Variants in KLHL28 observed in about 807,000 individuals in gnomAD.
The protein encoded by KLHL28 is kelch like family member 28, also known as kelch-like protein 28.
KLHL28 carries 22 observed loss-of-function variants against 48.3 expected under a neutral mutation model. That is an observed-to-expected ratio of 0.46 (90% CI 0.33 to 0.65). The LOEUF (loss-of-function observed/expected upper bound fraction) is 0.65, where lower values mean the gene tolerates loss of function less well. Ranked by LOEUF, KLHL28 falls within the 30% of genes least tolerant of loss-of-function variation. The pLI, the probability that KLHL28 is intolerant of heterozygous loss-of-function variation, is 0.03. For synonymous variants in KLHL28, 243 were observed against 242.4 expected (o/e 1.00, Z -0.02); for missense variants, 527 against 704.3 (o/e 0.75, Z 2.85).
At chr14:44,935,905 T>TATATATATATATATATATATA (rs1233257500) in intron 2 of KLHL28, among the ~76,000 whole-genome samples, 33 of 123,638 alleles carry the variant, frequency 2.7e-4, no homozygotes, top group East Asian at 9.1e-4. Flanking sequence ...TATATATATC[T>TATATATATATATATATATATA]TTACCCTCCC....
intron 2 of KLHL28, among the ~76,000 whole-genome samples, chr14:44,939,005 T>C (rs930159336): frequency 9.9e-5 from 15 of 152,172 alleles, no homozygotes; most frequent in African/African-American, 3.4e-4. Context: ...GCAACACTCT[T>C]ACAGTAGGAG....
chr14:44,961,585 G>GA (rs1384808504), intron 1 of KLHL28: 2 of 151,968 alleles, frequency 1.3e-5, no homozygotes, highest in South Asian at 2.1e-4. Flanking sequence ...ACCAGGAATT[G>GA]AAAAAAAATA....
intron 1 of KLHL28, among the ~76,000 whole-genome samples, chr14:44,959,050 A>G (rs1034163759): frequency 6.6e-6 from 1 of 151,938 alleles, no homozygotes; most frequent in Non-Finnish European, 1.5e-5. Flanking sequence ...TAAAATATAT[A>G]TAATCTTCAA....
intron 2 of KLHL28, among the ~76,000 whole-genome samples, chr14:44,935,900 A>ATATATATATATATATC (rs1180902349): frequency 7.7e-6 from 1 of 129,044 alleles, no homozygotes; most frequent in African/African-American, 2.7e-5. Flanking sequence ...GTATATATAT[A>ATATATATATATATATC]TATCTTTACC....
Position 44,928,975 on chromosome 14 carries a change from T to A in KLHL28, c.*53A>T, listed in dbSNP as rs200711290. ...GTTTCAGAAAACTGGGCCATCCGGA[T>A]GTTCATGCAGTACAAGTTTCACCAC... is the stretch of plus-strand genomic sequence containing the variant. On this transcript the variant is annotated 3_prime_UTR_variant, in exon 5 of 5. Coordinates refer to ENST00000396128, the MANE Select transcript of KLHL28 (RefSeq NM_017658.5). The A allele has an allele frequency of 1.4e-4, 210 of 1,546,990 alleles. 1 individual carries two copies. The East Asian group carries it at 3.2e-3, about 24-fold the overall frequency.
chr14:44,946,022 T>C (rs1272947668), intron 1 of KLHL28, 94 bp from the exon 2 acceptor site: 12 of 1,002,824 alleles, frequency 1.2e-5, no homozygotes, highest in East Asian at 7.6e-5. Context: ...AGATTTGTAA[T>C]TTATTTGTCT....
rs375544551 is a variant in KLHL28, at chr14:44,945,676, C to A, written c.253G>T (p.Ala85Ser). 1.2e-6 allele frequency: 2 copies of A among 1,614,170 alleles called. No individual in the cohort carries two copies. The highest frequency in any genetic ancestry group is 2.7e-5 in the African/African-American group (2 of 75,042). Reference protein sequence around the residue: ...EVEFQCIDETALQAIVEYAYT... With the variant: ...EVEFQCIDETSLQAIVEYAYT... Reference sequence around the variant, plus strand: ...GCATACTCCACAATGGCCTGGAGAGCAGTTTCATCAATGCATTGAAACTCA... The same window carrying A: ...GCATACTCCACAATGGCCTGGAGAGAAGTTTCATCAATGCATTGAAACTCA... Residue 85 changes from alanine (A) to serine (S), a missense_variant, in exon 2 of 5, where the codon GCT becomes TCT. Ala to Ser is a moderately conservative substitution (Grantham distance 99). Transcript: ENST00000396128.
At position 44,955,848 on chromosome 14, in the gene KLHL28, TA is replaced by T. The variant is rs1198530781; in HGVS notation, c.-1+5997del. 5.3e-5 allele frequency among the ~76,000 whole-genome samples: 8 copies of T among 152,252 alleles called. No homozygotes were observed. The East Asian group carries it at 1.4e-3, about 26-fold the overall frequency. On this transcript the variant is annotated intron_variant, in intron 1 of 4. Coordinates refer to ENST00000396128, the MANE Select transcript of KLHL28 (RefSeq NM_017658.5). ...GCTATCAAATACTACAAGAGTCATA[TA>T]AAAAATATTCAGGGGCCAAACTAAA...
intron 1 of KLHL28, chr14:44,960,750 T>C: frequency 8.3e-6 from 1 of 119,836 alleles, no homozygotes; most frequent in Non-Finnish European, 1.6e-5. Flanking sequence ...AAAACTGATA[T>C]TCAAATCGTA....
At chr14:44,952,691 G>A (rs763594732) in intron 1 of KLHL28, among the ~76,000 whole-genome samples, 18 of 152,020 alleles carry the variant, frequency 1.2e-4, no homozygotes, top group Non-Finnish European at 2.6e-4. Context: ...CCACCACTGC[G>A]TTTGGCTCAA....
chr14:44,931,209 C>CTTTT, intron 4 of KLHL28, 124 bp downstream of exon 4: 11 of 477,362 alleles, frequency 2.3e-5, no homozygotes, highest in Admixed American at 8.2e-5. Flanking sequence ...ACATACAAGT[C>CTTTT]TTTTTTTTTT....
chr14:44,953,051 T>C (rs1884654140), intron 1 of KLHL28, among the ~76,000 whole-genome samples: 1 of 152,224 alleles, frequency 6.6e-6, no homozygotes, highest in Non-Finnish European at 1.5e-5. Context: ...AGCTTAAACA[T>C]TCTCATTTGT....
chr14:44,944,968 C>A lies in KLHL28; in HGVS notation c.899+62G>T, dbSNP rs557187823. 1.8e-4 allele frequency: 205 copies of A among 1,144,714 alleles called. 1 individual carries two copies. The South Asian group carries it at 3.8e-3, about 21-fold the overall frequency. 70.9% of individuals were successfully genotyped at this position (1,144,714 alleles called of 1,614,324 possible). On this transcript the variant is annotated intron_variant, in intron 2 of 4. Transcript: ENST00000396128. ...AAACTATTTTTAAAATATAGAAAAT[C>A]TGCACATTTAAAAAGCATAAAATCA... is the stretch of plus-strand genomic sequence containing the variant.
intron 2 of KLHL28, among the ~76,000 whole-genome samples, chr14:44,937,495 T>C (rs1033960333): frequency 2.6e-5 from 4 of 152,104 alleles, no homozygotes; most frequent in Non-Finnish European, 5.9e-5. Flanking sequence ...ATTGGAAAAT[T>C]GGTTGGTATG....
chr14:44,943,310 TA>T (rs1265375633), intron 2 of KLHL28, among the ~76,000 whole-genome samples: 1 of 152,222 alleles, frequency 6.6e-6, no homozygotes, highest in African/African-American at 2.4e-5. Flanking sequence ...CTAACATAAC[TA>T]ATGTTCTATG....
chr14:44,927,233 T>C lies in KLHL28; in HGVS notation c.*1795A>G, dbSNP rs1287277683. On this transcript the variant is annotated 3_prime_UTR_variant, in exon 5 of 5. Coordinates refer to ENST00000396128, the MANE Select transcript of KLHL28 (RefSeq NM_017658.5). The stretch of plus-strand genomic sequence containing the variant: ...ATTTATGATTAAAAATGATTTTACA[T>C]AGTTTTGTAGTATATATTCAAATCT... The C allele has an allele frequency of 1.3e-5, 2 of 152,626 alleles. No homozygotes were observed. Among genetic ancestry groups the C allele is most frequent in the Non-Finnish European group, 2.9e-5 (2 of 68,016 alleles). 9.5% of individuals were successfully genotyped at this position (152,626 alleles called of 1,614,324 possible).
intron 2 of KLHL28, among the ~76,000 whole-genome samples, chr14:44,940,190 C>A (rs1029805290): frequency 2.0e-5 from 3 of 152,198 alleles, no homozygotes; most frequent in African/African-American, 7.2e-5. Context: ...CTAACCTACT[C>A]TCACAATAAT....
chr14:44,932,622 C>T (rs1883638719), intron 3 of KLHL28, among the ~76,000 whole-genome samples: 1 of 152,172 alleles, frequency 6.6e-6, no homozygotes, highest in Admixed American at 6.5e-5. Flanking sequence ...TGACACCATT[C>T]TGGAGTTCAT....
chr14:44,955,188 G>GAATAAATATATGTATATAAATAACAGTAA (rs1346038557), intron 1 of KLHL28, among the ~76,000 whole-genome samples: 6 of 150,178 alleles, frequency 4.0e-5, no homozygotes, highest in African/African-American at 1.5e-4. Context: ...AAAAGTATGA[G>GAATAAATATATGTATATAAATAACAGTAA]AATAAATATA....
Sources: gnomAD v4.1 joint callset for allele counts (sites outside exome capture counted in the v4.1 genomes callset) on GRCh38, gnomAD v4.1.1 for gene constraint, MANE v1.5 for transcripts, NCBI Gene and HGNC (gene_info 2026-07-23, HGNC 2026-07-21) for gene names.